Variants in HNMT observed in about 807,000 individuals in gnomAD.
The protein encoded by HNMT is histamine N-methyltransferase.
Under a neutral mutation model 32.1 loss-of-function variants are expected in HNMT, and 30 were observed. That is an observed-to-expected ratio of 0.93 (90% CI 0.70 to 1.27). The LOEUF (loss-of-function observed/expected upper bound fraction) is 1.27, where lower values mean the gene tolerates loss of function less well. Among genes scored for constraint, HNMT ranks in the 50% most tolerant of loss-of-function variants. The pLI is 0.00. For missense variants in HNMT, 327 were observed against 346.0 expected, an observed-to-expected ratio of 0.95 and a Z score of 0.43; for synonymous variants, 125 against 119.0, an observed-to-expected ratio of 1.05 and a Z score of -0.33.
rs184385651 is a variant in HNMT at position 137,966,528 on chromosome 2, A to T, written c.137+1900A>T. 2.0e-5 allele frequency among the ~76,000 whole-genome samples: 3 copies of T among 152,282 alleles called. No individual in the cohort carries two copies. In the East Asian group the frequency reaches 5.8e-4, roughly 29 times the overall value. ...AGTGTTTATGTTATTTTGCCTATGT[A>T]CATATTCTTAATAATTGAGCAATAT... On this transcript the variant is annotated intron_variant, in intron 1 of 5. Coordinates refer to ENST00000280097, the MANE Select transcript of HNMT (RefSeq NM_006895.3).
intron 1 of HNMT, 72 bp from the exon 2 acceptor site, chr2:137,970,093 C>A: frequency 1.3e-6 from 1 of 776,022 alleles, no homozygotes; most frequent in Non-Finnish European, 2.2e-6. Flanking sequence ...TTCTCTTCAA[C>A]TAGACTAGAT....
At position 138,014,200 on chromosome 2, in the gene HNMT, T is replaced by A; in HGVS notation, c.*70T>A. The A allele has an allele frequency of 9.9e-7, 1 of 1,008,724 alleles. No homozygotes were observed. The highest frequency in any genetic ancestry group is 1.5e-6 in the Non-Finnish European group (1 of 687,000). The allele number at this position is 1,008,724 out of a possible 1,614,324, so 62.5% of individuals were successfully genotyped here. On this transcript the variant is annotated 3_prime_UTR_variant, in exon 6 of 6. Transcript: ENST00000280097. ...TCGAATCACTCATTTATTTCCATAT[T>A]AAAATCACAAACTCATCCATTAATG...
In HNMT at chr2:137,989,809, T is replaced by C. The variant is rs556402378; in HGVS notation, c.191-11109T>C. On this transcript the variant is annotated intron_variant, in intron 2 of 5. Coordinates refer to ENST00000280097, the MANE Select transcript of HNMT (RefSeq NM_006895.3). ...GCCCTTCCAGGTGTGTAATGGTATT[T>C]TGTTAATGTTTTAATTTGCATTTCA... Among the ~76,000 whole-genome samples the C allele has an allele frequency of 2.0e-5, 3 of 152,336 alleles. No homozygotes were observed. In the South Asian group the frequency reaches 6.2e-4, roughly 32 times the overall value.
intron 2 of HNMT, among the ~76,000 whole-genome samples, chr2:137,980,361 A>C (rs904486714): frequency 1.3e-5 from 2 of 152,114 alleles, no homozygotes; most frequent in Admixed American, 1.3e-4. Flanking sequence ...TACCTGTGCA[A>C]ATATTTAAAG....
At chr2:137,977,708 T>C (rs1573647789) in intron 2 of HNMT, among the ~76,000 whole-genome samples, 1 of 152,058 alleles carries the variant, frequency 6.6e-6, no homozygotes, top group Admixed American at 6.6e-5. Context: ...GAAGTTTTCA[T>C]GTGCAAAAGG....
chr2:138,012,179 C>T (rs746837737), intron 5 of HNMT, among the ~76,000 whole-genome samples: 13 of 152,056 alleles, frequency 8.5e-5, no homozygotes, highest in Admixed American at 1.3e-4. Context: ...CGTACCATTA[C>T]GCAATAATTC....
intron 1 of HNMT, among the ~76,000 whole-genome samples, chr2:137,968,864 G>T (rs1680038561): frequency 6.6e-6 from 1 of 152,134 alleles, no homozygotes; most frequent in African/African-American, 2.4e-5. Context: ...ACACAGTTTT[G>T]TTTGCCATCC....
chr2:137,982,300 T>C (rs1161434187), intron 2 of HNMT, among the ~76,000 whole-genome samples: 4 of 152,230 alleles, frequency 2.6e-5, no homozygotes, highest in Admixed American at 2.0e-4. Context: ...CTGCTTTTCT[T>C]TGTTTTTGAA....
At chr2:137,985,892 C>A (rs1005280786) in intron 2 of HNMT, among the ~76,000 whole-genome samples, 1 of 151,994 alleles carries the variant, frequency 6.6e-6, no homozygotes, top group African/African-American at 2.4e-5. Flanking sequence ...ATCCTTGAAC[C>A]CAGGAGGCAG....
At chr2:137,997,966 G>C (rs932294989) in intron 2 of HNMT, among the ~76,000 whole-genome samples, 1 of 152,058 alleles carries the variant, frequency 6.6e-6, no homozygotes, top group African/African-American at 2.4e-5. Flanking sequence ...GCAGTTGAAC[G>C]ATGAGAGCAC....
intron 2 of HNMT, among the ~76,000 whole-genome samples, chr2:137,983,710 T>C (rs879628094): frequency 6.6e-6 from 1 of 152,140 alleles, no homozygotes; most frequent in African/African-American, 2.4e-5. Context: ...ATTTTAGGCT[T>C]CCAAGGGAGG....
At chr2:137,969,441 G>A (rs1336437576) in intron 1 of HNMT, among the ~76,000 whole-genome samples, 2 of 152,066 alleles carry the variant, frequency 1.3e-5, no homozygotes, top group African/African-American at 4.8e-5. Flanking sequence ...TAAAAGCCCT[G>A]ACAAAACATA....
At chr2:137,968,309 G>A (rs1182713383) in intron 1 of HNMT, among the ~76,000 whole-genome samples, 1 of 152,054 alleles carries the variant, frequency 6.6e-6, no homozygotes, top group East Asian at 1.9e-4. Flanking sequence ...ATGTGAAATG[G>A]GATGAATAAT....
At chr2:138,010,194 T>G (rs1681451493) in intron 5 of HNMT, among the ~76,000 whole-genome samples, 1 of 152,078 alleles carries the variant, frequency 6.6e-6, no homozygotes, top group Non-Finnish European at 1.5e-5. Context: ...TCTCTGTTCC[T>G]ACATCTTTGT....
intron 5 of HNMT, 134 bp downstream of exon 5, chr2:138,005,359 T>C (rs1681301242): frequency 1.6e-6 from 1 of 626,954 alleles, no homozygotes; most frequent in Non-Finnish European, 2.9e-6. Flanking sequence ...TCATAGCCAA[T>C]TAATTTTCAC....
At chr2:137,972,862 T>C (rs186789271) in intron 2 of HNMT, among the ~76,000 whole-genome samples, 1 of 152,336 alleles carries the variant, frequency 6.6e-6, no homozygotes, top group East Asian at 1.9e-4. Context: ...GTTAATTGAA[T>C]TTCTAATGCA....
At chr2:137,986,587 C>T (rs1356648895) in intron 2 of HNMT, among the ~76,000 whole-genome samples, 1 of 152,156 alleles carries the variant, frequency 6.6e-6, no homozygotes, top group Non-Finnish European at 1.5e-5. Context: ...CTGACAGACA[C>T]ACCCAGAATC....
intron 2 of HNMT, among the ~76,000 whole-genome samples, chr2:137,986,529 G>T (rs1243944106): frequency 6.6e-6 from 1 of 152,044 alleles, no homozygotes; most frequent in East Asian, 1.9e-4. Context: ...AGGGCAGTCT[G>T]CTTTACTCAG....
rs1312833666 is a variant in HNMT, at chr2:138,015,981, T to C, written c.*1851T>C. 1 of 152,130 alleles carries C rather than the reference T, an allele frequency of 6.6e-6. No individual in the cohort carries two copies. The highest frequency in any genetic ancestry group is 1.5e-5 in the Non-Finnish European group (1 of 68,002). 9.4% of individuals were successfully genotyped at this position (152,130 alleles called of 1,614,324 possible). ...GTGCAATTGAAACACATAAGCCTTTTTAAAGAGAGAAATTCCCATGAAAAC... is the reference window on the plus strand; with the variant it reads ...GTGCAATTGAAACACATAAGCCTTTCTAAAGAGAGAAATTCCCATGAAAAC... On this transcript the variant is annotated 3_prime_UTR_variant, in exon 6 of 6. Transcript: ENST00000280097.
Sources: allele counts gnomAD v4.1 joint callset (sites outside exome capture counted in the v4.1 genomes callset), GRCh38; gene constraint gnomAD v4.1.1; transcripts MANE v1.5; gene names NCBI Gene and HGNC (gene_info 2026-07-23, HGNC 2026-07-21).